PTPRK: variants seen among roughly 807,000 people sequenced by gnomAD.
PTPRK encodes protein tyrosine phosphatase receptor type K, also known as receptor-type tyrosine-protein phosphatase kappa.
Under a neutral mutation model 178.0 loss-of-function variants are expected in PTPRK, and 75 were observed. That is an observed-to-expected ratio of 0.42 (90% CI 0.35 to 0.51). The LOEUF (loss-of-function observed/expected upper bound fraction) is 0.51. PTPRK is among the 20% of genes least tolerant of loss of function. The probability of loss-of-function intolerance (pLI) is 0.02; values close to 1 mark genes in which losing one functional copy is unlikely to be tolerated. For synonymous variants in PTPRK, 637 were observed against 620.6 expected (o/e 1.03, Z -0.39); for missense variants, 1,441 against 1,797.8 (o/e 0.80, Z 3.59).
At chr6:128,386,503 C>T (rs1249280903) in intron 2 of PTPRK, among the ~76,000 whole-genome samples, 1 of 152,124 alleles carries the variant, frequency 6.6e-6, no homozygotes, top group East Asian at 1.9e-4. Context: ...AATTCACCCA[C>T]ATTTATAAGA....
intron 7 of PTPRK, among the ~76,000 whole-genome samples, chr6:128,162,771 T>C (rs1798878281): frequency 6.6e-6 from 1 of 151,664 alleles, no homozygotes; most frequent in African/African-American, 2.4e-5. Context: ...GGTAGTCAAA[T>C]ACTTGGAAAA....
intron 7 of PTPRK, among the ~76,000 whole-genome samples, chr6:128,175,595 G>C (rs1198969461): frequency 6.6e-6 from 1 of 151,684 alleles, no homozygotes; most frequent in Non-Finnish European, 1.5e-5. Context: ...ACAATAAGCG[G>C]AATATAGAAC....
At chr6:128,298,969 C>T (rs1825028336) in intron 3 of PTPRK, among the ~76,000 whole-genome samples, 1 of 152,128 alleles carries the variant, frequency 6.6e-6, no homozygotes, top group South Asian at 2.1e-4. Context: ...ACCTAGAAAA[C>T]CCCACTGTCT....
chr6:128,078,913 T>C lies in PTPRK; in HGVS notation c.1783A>G (p.Thr595Ala). 1 of 1,597,780 alleles carries C rather than the reference T, an allele frequency of 6.3e-7. No homozygotes were observed. The highest frequency in any genetic ancestry group is 8.6e-7 in the Non-Finnish European group (1 of 1,165,626). Reference sequence around the variant, plus strand: ...TCAACTCCTTCATAGTCAGGTAAAGTTGGAGCTGATGAGTGATTAATGAGA... The same window carrying C: ...TCAACTCCTTCATAGTCAGGTAAAGCTGGAGCTGATGAGTGATTAATGAGA... Reference protein sequence around the residue: ...INVTTNISAPTLPDYEGVDAS... With the variant: ...INVTTNISAPALPDYEGVDAS... The change falls in exon 11 of 30, where the codon ACT (threonine) becomes GCT (alanine). Residue 595 changes from threonine to alanine, a missense_variant. Transcript: ENST00000368226.
At chr6:128,185,031 C>G (rs575560518) in intron 6 of PTPRK, among the ~76,000 whole-genome samples, 1 of 152,188 alleles carries the variant, frequency 6.6e-6, no homozygotes, top group South Asian at 2.1e-4. Context: ...ATGGATAGCT[C>G]TAATTAGCTA....
At chr6:128,134,613 C>G (rs1343617066) in intron 7 of PTPRK, among the ~76,000 whole-genome samples, 3 of 152,124 alleles carry the variant, frequency 2.0e-5, no homozygotes, top group Admixed American at 2.0e-4. Flanking sequence ...GGGTTCAAGA[C>G]CAGCCTGGGC....
chr6:128,156,673 A>C (rs1333461364), intron 7 of PTPRK, among the ~76,000 whole-genome samples: 2 of 152,002 alleles, frequency 1.3e-5, no homozygotes, highest in East Asian at 3.9e-4. Context: ...CACAGAGCCA[A>C]ACCATATCAT....
intron 1 of PTPRK, among the ~76,000 whole-genome samples, chr6:128,433,572 A>G (rs889859272): frequency 6.6e-6 from 1 of 151,766 alleles, no homozygotes; most frequent in African/African-American, 2.4e-5. Flanking sequence ...GCAGTGGCTC[A>G]ATCTCAGATT....
At chr6:128,056,175 C>G (rs371761030) in intron 13 of PTPRK, among the ~76,000 whole-genome samples, 9 of 151,802 alleles carry the variant, frequency 5.9e-5, no homozygotes, top group East Asian at 5.8e-4. Flanking sequence ...CTCCCTCTTT[C>G]CTCTTTAATT....
At position 128,236,125 on chromosome 6, in the gene PTPRK, T is replaced by A. The variant is rs1813213325; in HGVS notation, c.693+3910A>T. Among the ~76,000 whole-genome samples, 3 of 152,194 alleles carry A rather than the reference T, an allele frequency of 2.0e-5. No individual in the cohort carries two copies. In the South Asian group the frequency reaches 6.2e-4, roughly 32 times the overall value. On this transcript the variant is annotated intron_variant, in intron 5 of 29. Transcript: ENST00000368226. Reference sequence around the variant, plus strand: ...CAGGCATCCACTGGGCTTTTTGGAATGTATCCCCCAAGGATAGGAGAACAC... The same window carrying A: ...CAGGCATCCACTGGGCTTTTTGGAAAGTATCCCCCAAGGATAGGAGAACAC...
chr6:128,067,812 A>C lies in PTPRK; in HGVS notation c.1884-20T>G, dbSNP rs758350004. 3.5e-5 allele frequency: 54 copies of C among 1,558,196 alleles called. No homozygotes were observed. Among genetic ancestry groups the C allele is most frequent in the Non-Finnish European group, 1.1e-5 (13 of 1,152,202 alleles). On this transcript the variant is annotated intron_variant, in intron 11 of 29. Transcript: ENST00000368226. The stretch of plus-strand genomic sequence containing the variant: ...TAAGCACTTTGGGGAAAAGAAAAAA[A>C]GAACACACATATATATACACACATA...
chr6:128,057,250 T>C (rs75323908), intron 13 of PTPRK, among the ~76,000 whole-genome samples: 4,062 of 152,296 alleles, frequency 0.027, 178 homozygotes, highest in African/African-American at 0.093. Context: ...CTTGAGACAC[T>C]TGATATAGAT....
chr6:128,039,465 AC>A (rs1382596588), intron 13 of PTPRK, among the ~76,000 whole-genome samples: 1 of 152,194 alleles, frequency 6.6e-6, no homozygotes, highest in Non-Finnish European at 1.5e-5. Context: ...GAAATTACAT[AC>A]AGCAAAGTTT....
intron 7 of PTPRK, among the ~76,000 whole-genome samples, chr6:128,141,711 A>T (rs1459725874): frequency 3.3e-5 from 5 of 152,074 alleles, no homozygotes; most frequent in African/African-American, 1.2e-4. Context: ...CTCAATTTTG[A>T]TAGCAAGAGC....
At chr6:128,055,240 A>G (rs1779694914) in intron 13 of PTPRK, among the ~76,000 whole-genome samples, 1 of 152,204 alleles carries the variant, frequency 6.6e-6, no homozygotes, top group African/African-American at 2.4e-5. Flanking sequence ...ACAGCCCTCA[A>G]AGCACTTTCT....
chr6:128,520,138 C>T (rs1858806238), intron 1 of PTPRK, 121 bp downstream of exon 1: 3 of 847,228 alleles, frequency 3.5e-6, no homozygotes, highest in South Asian at 1.9e-5. Context: ...CCCTGTGTTC[C>T]CCACCCCCGG....
At chr6:128,172,542 T>C (rs969455605) in intron 7 of PTPRK, among the ~76,000 whole-genome samples, 17 of 151,878 alleles carry the variant, frequency 1.1e-4, no homozygotes, top group African/African-American at 3.1e-4. Flanking sequence ...TAGAACTTGA[T>C]AAAAAATTTT....
At chr6:128,272,149 A>G (rs1819922844) in intron 3 of PTPRK, among the ~76,000 whole-genome samples, 1 of 152,166 alleles carries the variant, frequency 6.6e-6, no homozygotes, top group Non-Finnish European at 1.5e-5. Context: ...AAAACTGGCT[A>G]GCCATATGGA....
chr6:128,173,865 T>C (rs1011516224), intron 7 of PTPRK, among the ~76,000 whole-genome samples: 2 of 151,974 alleles, frequency 1.3e-5, no homozygotes, highest in Non-Finnish European at 2.9e-5. Flanking sequence ...TAAACTATCA[T>C]TAGAGAAATC....
Sources: gnomAD v4.1 joint callset for allele counts (sites outside exome capture counted in the v4.1 genomes callset) on GRCh38, gnomAD v4.1.1 for gene constraint, MANE v1.5 for transcripts, NCBI Gene and HGNC (gene_info 2026-07-23, HGNC 2026-07-21) for gene names.